The following BHMT2 variants were observed in gnomAD, a reference collection of about 807,000 sequenced individuals.
BHMT2 encodes betaine--homocysteine S-methyltransferase 2.
Under a neutral mutation model 39.0 loss-of-function variants are expected in BHMT2, and 28 were observed. The ratio of observed to expected loss-of-function variants is 0.72; its 90% CI spans 0.53 to 0.98. The LOEUF (loss-of-function observed/expected upper bound fraction) is 0.98. BHMT2 is among the 50% of genes least tolerant of loss of function. The pLI is 0.00. For synonymous variants in BHMT2, 145 were observed against 160.6 expected, an observed-to-expected ratio of 0.90 and a Z score of 0.74; for missense variants, 410 against 455.6, an observed-to-expected ratio of 0.90 and a Z score of 0.91.
chr5:79,081,840 C>A (rs62377952), intron 4 of BHMT2, among the ~76,000 whole-genome samples: 2 of 151,888 alleles, frequency 1.3e-5, no homozygotes, highest in African/African-American at 4.8e-5. Flanking sequence ...CCAGCCTGGG[C>A]GACAGAGTGA....
At chr5:79,075,185 G>A (rs762489058) in intron 1 of BHMT2, among the ~76,000 whole-genome samples, 11 of 152,216 alleles carry the variant, frequency 7.2e-5, no homozygotes, top group Non-Finnish European at 1.5e-4. Flanking sequence ...GATTTGGTCT[G>A]TGGGCTGTCA....
intron 1 of BHMT2, among the ~76,000 whole-genome samples, chr5:79,070,163 G>T (rs1321593262): frequency 6.6e-6 from 1 of 152,208 alleles, no homozygotes; most frequent in Non-Finnish European, 1.5e-5. Flanking sequence ...GCTTTCGGAC[G>T]CATGTCGCGC....
At chr5:79,070,214 T>C (rs1755532764) in intron 1 of BHMT2, among the ~76,000 whole-genome samples, 1 of 152,158 alleles carries the variant, frequency 6.6e-6, no homozygotes, top group South Asian at 2.1e-4. Flanking sequence ...CCGCAGCTCT[T>C]TGGGCTAATC....
chr5:79,086,166 C>G (rs1169080278), intron 7 of BHMT2, among the ~76,000 whole-genome samples: 1 of 152,194 alleles, frequency 6.6e-6, no homozygotes, highest in African/African-American at 2.4e-5. Context: ...GTCCTGTTGT[C>G]CTCCCCGGTA....
Position 79,086,789 on chromosome 5 carries a change from G to T in BHMT2, c.1011-1704G>T, listed in dbSNP as rs536164753. ...CTGATTAACTTCCTTTTCCATTGTT[G>T]AAAGAAAAATAACAGGGCTTCACTT... On this transcript the variant is annotated intron_variant, in intron 7 of 7. Coordinates refer to ENST00000255192, the MANE Select transcript of BHMT2 (RefSeq NM_017614.5). Among the ~76,000 whole-genome samples the T allele has an allele frequency of 2.5e-4, 38 of 151,868 alleles. No homozygotes were observed. The South Asian group carries it at 7.9e-3, about 32-fold the overall frequency.
rs768388536 is a variant in BHMT2 at position 79,070,176 on chromosome 5, A to C, written c.33+361A>C. ...TAGCTTTCGGACGCATGTCGCGCAC[A>C]CATTTTCTTCCCTCAACCGACCCTC... On this transcript the variant is annotated intron_variant, in intron 1 of 7. Transcript: ENST00000255192. Among the ~76,000 whole-genome samples the C allele has an allele frequency of 8.9e-4, 135 of 152,296 alleles. 1 individual carries two copies. The highest frequency in any genetic ancestry group is 2.5e-4 in the Non-Finnish European group (17 of 68,016).
chr5:79,077,131 C>T (rs886571492), intron 1 of BHMT2, among the ~76,000 whole-genome samples: 1 of 152,162 alleles, frequency 6.6e-6, no homozygotes, highest in Non-Finnish European at 1.5e-5. Context: ...GCATTGTCCC[C>T]CCACACAAAA....
rs1755955642 is a variant in BHMT2 at position 79,088,627 on chromosome 5, A to G, written c.*53A>G. On this transcript the variant is annotated 3_prime_UTR_variant, in exon 8 of 8. Transcript: ENST00000255192. ...ATCGAACAGGAAAAAGTTGCCCTCAAGCCTGACCTGGAACCGTTCCTCACC... is the reference window on the plus strand; with the variant it reads ...ATCGAACAGGAAAAAGTTGCCCTCAGGCCTGACCTGGAACCGTTCCTCACC... 1 of 1,493,712 alleles carries G rather than the reference A, an allele frequency of 6.7e-7. No individual in the cohort carries two copies. The highest frequency in any genetic ancestry group is 1.7e-5 in the Admixed American group (1 of 58,280). The allele number at this position is 1,493,712 out of a possible 1,614,324, so 92.5% of individuals were successfully genotyped here. A position where few individuals can be genotyped will look rare whatever the true frequency, so the allele number is the denominator to read the frequency against.
Position 79,074,748 on chromosome 5 carries a change from G to A in BHMT2, c.34-2732G>A, listed in dbSNP as rs145726988. ...TTCCCCCTCCTTCCGAAGGATTAGC[G>A]TTGGAGCTGGACACATGGACATTCA... On this transcript the variant is annotated intron_variant, in intron 1 of 7. Transcript: ENST00000255192. Among the ~76,000 whole-genome samples, 7 of 152,318 alleles carry A rather than the reference G, an allele frequency of 4.6e-5. No individual in the cohort carries two copies. The East Asian group carries it at 5.8e-4, about 13-fold the overall frequency.
intron 7 of BHMT2, among the ~76,000 whole-genome samples, chr5:79,088,009 G>C (rs994173718): frequency 6.6e-6 from 1 of 152,146 alleles, no homozygotes; most frequent in Non-Finnish European, 1.5e-5. Flanking sequence ...GGGAGACCCT[G>C]TCTCTACTAA....
rs200888326 is a variant in BHMT2 at position 79,077,617 on chromosome 5, G to A, written c.166+5G>A. On this transcript the variant is annotated splice_donor_5th_base_variant and intron_variant, in intron 2 of 7. Transcript: ENST00000255192. ...TGATAGAACACCCAGACGCAGGTTG[G>A]TGTCCACATCCCCAAGAGTGTCTAC... is the stretch of plus-strand genomic sequence containing the variant. 3.2e-5 allele frequency: 51 copies of A among 1,613,198 alleles called. No individual in the cohort carries two copies. Among genetic ancestry groups the A allele is most frequent in the Non-Finnish European group, 4.2e-5 (49 of 1,179,618 alleles).
chr5:79,073,025 A>G (rs180891539), intron 1 of BHMT2, among the ~76,000 whole-genome samples: 20 of 144,410 alleles, frequency 1.4e-4, no homozygotes, highest in Admixed American at 8.0e-4. Flanking sequence ...ATGCAGTGGC[A>G]CAATCTCAAC....
intron 4 of BHMT2, 35 bp from the exon 5 acceptor site, chr5:79,082,774 G>A (rs763453772): frequency 3.1e-6 from 5 of 1,609,960 alleles, no homozygotes. Flanking sequence ...TCTGCTTTAT[G>A]TTTGGACCAG....
At chr5:79,080,539 T>C (rs952338295) in intron 3 of BHMT2, 148 bp from the exon 4 acceptor site, 2 of 627,324 alleles carry the variant, frequency 3.2e-6, no homozygotes, top group African/African-American at 1.9e-5. Context: ...ACAGAGGAGA[T>C]TGTACCCAAC....
intron 7 of BHMT2, among the ~76,000 whole-genome samples, chr5:79,087,008 G>A (rs1254316963): frequency 1.9e-5 from 2 of 105,224 alleles, no homozygotes; most frequent in Admixed American, 9.4e-5. Flanking sequence ...ATGTGTGTGT[G>A]TGTGTGTATA....
chr5:79,071,822 T>TAAA (rs60114073), intron 1 of BHMT2, among the ~76,000 whole-genome samples: 51 of 103,534 alleles, frequency 4.9e-4, no homozygotes, highest in African/African-American at 3.1e-4. Flanking sequence ...AACTTAAAAG[T>TAAA]AAAAAAAAAA....
chr5:79,071,283 C>A (rs978503821), intron 1 of BHMT2: 1 of 152,208 alleles, frequency 6.6e-6, no homozygotes, highest in Non-Finnish European at 1.5e-5. Flanking sequence ...TCCAAAAGAG[C>A]AGTTCTGCTG....
chr5:79,078,623 C>T (rs1177979116), intron 2 of BHMT2, among the ~76,000 whole-genome samples: 1 of 152,224 alleles, frequency 6.6e-6, no homozygotes, highest in Non-Finnish European at 1.5e-5. Context: ...TGTGAGGACT[C>T]ACAAGTTAAC....
At chr5:79,088,358 CTGTGTGTGTGTGTGTGTG>C (rs202040828) in intron 7 of BHMT2, 117 bp from the exon 8 acceptor site, 31 of 304,632 alleles carry the variant, frequency 1.0e-4, no homozygotes, top group African/African-American at 6.1e-4. Context: ...CAAGTTTTGA[CTGTGTGTGTGTGTGTGTG>C]TGTGTGTGTG....
Sources: allele counts gnomAD v4.1 joint callset (sites outside exome capture counted in the v4.1 genomes callset), GRCh38; gene constraint gnomAD v4.1.1; transcripts MANE v1.5; gene names NCBI Gene and HGNC (gene_info 2026-07-23, HGNC 2026-07-21).